Variants in MAN1A2 observed in about 807,000 individuals in gnomAD.
MAN1A2 encodes the protein mannosidase alpha class 1A member 2.
A neutral mutation model predicts 75.7 loss-of-function variants in MAN1A2; 26 were observed. That is an observed-to-expected ratio of 0.34 (90% CI 0.25 to 0.48). The LOEUF (loss-of-function observed/expected upper bound fraction) is 0.48, where lower values mean the gene tolerates loss of function less well. Ranked by LOEUF, MAN1A2 falls within the 20% of genes least tolerant of loss-of-function variation. The pLI is 0.99. For synonymous variants in MAN1A2, 247 were observed against 264.6 expected, an observed-to-expected ratio of 0.93 and a Z score of 0.65; for missense variants, 562 against 775.5, an observed-to-expected ratio of 0.72 and a Z score of 3.27.
chr1:117,393,630 G>T (rs931606134), intron 1 of MAN1A2, among the ~76,000 whole-genome samples: 4 of 152,030 alleles, frequency 2.6e-5, no homozygotes, highest in African/African-American at 9.7e-5. Flanking sequence ...CTTTTAAAAG[G>T]TAGCATTACA....
rs1382174887 is a variant in MAN1A2 at position 117,442,129 on chromosome 1, G to A, written c.856-102G>A. The A allele has an allele frequency of 2.1e-5, 15 of 716,270 alleles. No homozygotes were observed. The South Asian group carries it at 2.4e-4, about 11-fold the overall frequency. 44.4% of individuals were successfully genotyped at this position (716,270 alleles called of 1,614,324 possible). On this transcript the variant is annotated intron_variant, in intron 5 of 12. Transcript: ENST00000356554. ...ATGCTTTTTCCTACCCTGTGCTCCC[G>A]TGTACCCAGTACCTTGTGCTATGTA...
chr1:117,379,767 A>T (rs1367812558), intron 1 of MAN1A2, among the ~76,000 whole-genome samples: 1 of 152,154 alleles, frequency 6.6e-6, no homozygotes, highest in African/African-American at 2.4e-5. Flanking sequence ...TTCACTTAGC[A>T]TAATGTTTTT....
At chr1:117,489,062 T>G (rs1002312670) in intron 8 of MAN1A2, among the ~76,000 whole-genome samples, 1 of 152,070 alleles carries the variant, frequency 6.6e-6, no homozygotes, top group African/African-American at 2.4e-5. Flanking sequence ...AATAGATATC[T>G]TGCAGTGTTG....
intron 1 of MAN1A2, among the ~76,000 whole-genome samples, chr1:117,375,242 T>A (rs1361348812): frequency 1.3e-5 from 2 of 152,150 alleles, no homozygotes; most frequent in African/African-American, 4.8e-5. Flanking sequence ...TGGCACAATT[T>A]TCTTTGATTT....
chr1:117,474,916 C>G (rs942009624), intron 8 of MAN1A2, among the ~76,000 whole-genome samples: 1 of 151,894 alleles, frequency 6.6e-6, no homozygotes, highest in African/African-American at 2.4e-5. Context: ...CTTGGGTTGC[C>G]TTTTCTAGAA....
chr1:117,445,880 GTGTGTATA>G (rs1280226377), intron 6 of MAN1A2, among the ~76,000 whole-genome samples: 8 of 126,006 alleles, frequency 6.3e-5, no homozygotes, highest in Admixed American at 1.6e-4. Context: ...GTGTCTGTGT[GTGTGTATA>G]TATATATATA....
Position 117,408,170 on chromosome 1 carries a change from G to A in MAN1A2, c.655+2525G>A, listed in dbSNP as rs192179605. On this transcript the variant is annotated intron_variant, in intron 3 of 12. Coordinates refer to ENST00000356554, the MANE Select transcript of MAN1A2 (RefSeq NM_006699.5). The stretch of plus-strand genomic sequence containing the variant: ...TGCAGTGGCACATAGTCCCAGCTCC[G>A]CAGGAGGTTGAGATGGGAGGATCGC... 3.9e-5 allele frequency among the ~76,000 whole-genome samples: 6 copies of A among 152,130 alleles called. No homozygotes were observed. The East Asian group carries it at 7.7e-4, about 20-fold the overall frequency.
At chr1:117,397,292 A>G (rs547075333) in intron 1 of MAN1A2, among the ~76,000 whole-genome samples, 89 of 152,350 alleles carry the variant, frequency 5.8e-4, no homozygotes, top group African/African-American at 2.1e-3. Flanking sequence ...CAATATTGCA[A>G]CAACATAGGT....
chr1:117,367,934 G>A lies in MAN1A2; in HGVS notation c.-250G>A, dbSNP rs958796306. The A allele has an allele frequency of 1.3e-5, 6 of 449,518 alleles. No individual in the cohort carries two copies. The highest frequency in any genetic ancestry group is 1.6e-5 in the Non-Finnish European group (4 of 253,740). 27.8% of individuals were successfully genotyped at this position (449,518 alleles called of 1,614,324 possible). ...ATGAAGAGGAGGCTTGTAATAATCC[G>A]ATGAAGTACAGATGTTGAAGAGGAT... is the stretch of plus-strand genomic sequence containing the variant. On this transcript the variant is annotated 5_prime_UTR_variant, in exon 1 of 13. Transcript: ENST00000356554.
chr1:117,461,800 A>G (rs1269975160), intron 7 of MAN1A2, among the ~76,000 whole-genome samples: 1 of 152,244 alleles, frequency 6.6e-6, no homozygotes, highest in Non-Finnish European at 1.5e-5. Flanking sequence ...GTCATCCCCA[A>G]ATTGATTTAT....
chr1:117,467,491 G>T (rs1650016555), intron 8 of MAN1A2, among the ~76,000 whole-genome samples: 1 of 151,954 alleles, frequency 6.6e-6, no homozygotes, highest in Non-Finnish European at 1.5e-5. Flanking sequence ...TGTCTTTCAT[G>T]GATCTGGGAA....
chr1:117,391,863 G>A (rs1237815190), intron 1 of MAN1A2, among the ~76,000 whole-genome samples: 1 of 152,140 alleles, frequency 6.6e-6, no homozygotes, highest in Non-Finnish European at 1.5e-5. Context: ...TATCCAGTCA[G>A]TATTGTGAAA....
chr1:117,517,854 C>T (rs1481742257), intron 12 of MAN1A2, among the ~76,000 whole-genome samples: 5 of 151,802 alleles, frequency 3.3e-5, no homozygotes, highest in Admixed American at 2.6e-4. Context: ...TACCAAGACA[C>T]CTTATAATCA....
rs1474447083 is a variant in MAN1A2, at chr1:117,523,000, A to G, written c.*43A>G. 6.2e-7 allele frequency: 1 copy of G among 1,605,644 alleles called. No individual in the cohort carries two copies. Among genetic ancestry groups the G allele is most frequent in the Non-Finnish European group, 8.5e-7 (1 of 1,176,640 alleles). On this transcript the variant is annotated 3_prime_UTR_variant, in exon 13 of 13. Coordinates refer to ENST00000356554, the MANE Select transcript of MAN1A2 (RefSeq NM_006699.5). ...CCATTCTCACCTGTGTTTTGTTTAC[A>G]TGGACCACTACAGAAATTAGTTTGA...
chr1:117,404,170 G>A (rs1647538788), intron 2 of MAN1A2, among the ~76,000 whole-genome samples: 1 of 152,042 alleles, frequency 6.6e-6, no homozygotes, highest in Non-Finnish European at 1.5e-5. Flanking sequence ...TTTTCTTAAG[G>A]AATTTTGCAT....
At chr1:117,515,948 TATAAG>T (rs1475265259) in intron 12 of MAN1A2, 2 of 151,862 alleles carry the variant, frequency 1.3e-5, no homozygotes, top group East Asian at 3.9e-4. Flanking sequence ...ATAAAAAAAA[TATAAG>T]GAAAGCAATG....
intron 8 of MAN1A2, among the ~76,000 whole-genome samples, chr1:117,481,401 C>T (rs192325445): frequency 6.6e-6 from 1 of 151,966 alleles, no homozygotes; most frequent in Non-Finnish European, 1.5e-5. Flanking sequence ...CTCTGCTCCC[C>T]ATCACTTCAC....
intron 8 of MAN1A2, among the ~76,000 whole-genome samples, chr1:117,482,708 GTAGTTTCTTTTGC>G (rs139501879): frequency 0.08 from 12,207 of 151,934 alleles, 731 homozygotes; most frequent in Admixed American, 0.19. Context: ...CACTCTGATG[GTAGTTTCTTTTGC>G]CATGCAGAAC....
intron 4 of MAN1A2, among the ~76,000 whole-genome samples, chr1:117,415,454 C>T (rs539461416): frequency 6.6e-6 from 1 of 152,174 alleles, no homozygotes; most frequent in African/African-American, 2.4e-5. Context: ...GCAGACTCTT[C>T]GTTATTTAAA....
Sources: allele counts gnomAD v4.1 joint callset (sites outside exome capture counted in the v4.1 genomes callset), GRCh38; gene constraint gnomAD v4.1.1; transcripts MANE v1.5; gene names NCBI Gene and HGNC (gene_info 2026-07-23, HGNC 2026-07-21).